ACOT7: variants seen among roughly 807,000 people sequenced by gnomAD.
The protein encoded by ACOT7 is cytosolic acyl coenzyme A thioester hydrolase.
Under a neutral mutation model 40.2 loss-of-function variants are expected in ACOT7, and 12 were observed. That is an observed-to-expected ratio of 0.30 (90% CI 0.19 to 0.48). ACOT7 has a LOEUF of 0.48. ACOT7 is among the 20% of genes least tolerant of loss of function. The pLI, the probability that ACOT7 is intolerant of heterozygous loss-of-function variation, is 0.99. For synonymous variants in ACOT7, 228 were observed against 219.5 expected (o/e 1.04, Z -0.34); for missense variants, 395 against 530.8 (o/e 0.74, Z 2.51).
Position 6,338,284 on chromosome 1 carries a change from C to G in ACOT7, c.418+1149G>C, listed in dbSNP as rs1641165200. Reference sequence around the variant, plus strand: ...AGCACAGTCGGAGAAGAGCTGCGATCTCACAGGAGATGGCAGGGAACCCCC... The same window carrying G: ...AGCACAGTCGGAGAAGAGCTGCGATGTCACAGGAGATGGCAGGGAACCCCC... On this transcript the variant is annotated intron_variant, in intron 3 of 8. Coordinates refer to ENST00000361521, the MANE Select transcript of ACOT7 (RefSeq NM_007274.4). The surrounding 1 kb of genome is among the most constrained non-coding windows in gnomAD (Gnocchi z 4.4). 6.6e-6 allele frequency among the ~76,000 whole-genome samples: 1 copy of G among 152,338 alleles called. No homozygotes were observed. Among genetic ancestry groups the G allele is most frequent in the South Asian group, 2.1e-4 (1 of 4,830 alleles).
chr1:6,318,987 G>C (rs2148421878), intron 5 of ACOT7, among the ~76,000 whole-genome samples: 1 of 152,318 alleles, frequency 6.6e-6, no homozygotes, highest in East Asian at 1.9e-4. Flanking sequence ...CACAGCCTGA[G>C]AATGTACAGC....
At position 6,342,807 on chromosome 1, in the gene ACOT7, C is replaced by A. The variant is rs551453723; in HGVS notation, c.262-3218G>T. ...TATTTTCTGGGCCCAAGGACAAATACTTTTATATATGGTCCTAAGTGTTTC... is the reference window on the plus strand; with the variant it reads ...TATTTTCTGGGCCCAAGGACAAATAATTTTATATATGGTCCTAAGTGTTTC... On this transcript the variant is annotated intron_variant, in intron 2 of 8. Coordinates refer to ENST00000361521, the MANE Select transcript of ACOT7 (RefSeq NM_007274.4). Among the ~76,000 whole-genome samples, 6 of 152,334 alleles carry A rather than the reference C, an allele frequency of 3.9e-5. No homozygotes were observed. The East Asian group carries it at 1.2e-3, about 29-fold the overall frequency.
intron 6 of ACOT7, among the ~76,000 whole-genome samples, chr1:6,303,702 G>A (rs1640034548): frequency 6.6e-6 from 1 of 152,186 alleles, no homozygotes; most frequent in East Asian, 1.9e-4. Flanking sequence ...CCACCCGTTA[G>A]TAATTACAAG....
At chr1:6,377,662 G>A (rs1278429140) in intron 1 of ACOT7, among the ~76,000 whole-genome samples, 1 of 152,214 alleles carries the variant, frequency 6.6e-6, no homozygotes, top group African/African-American at 2.4e-5. Flanking sequence ...AGACACCAAA[G>A]TGTAGTATCA....
intron 2 of ACOT7, among the ~76,000 whole-genome samples, chr1:6,348,350 A>G (rs989794159): frequency 2.7e-5 from 4 of 150,454 alleles, no homozygotes; most frequent in Admixed American, 6.6e-5. Flanking sequence ...ACACACACAC[A>G]CGCACACACA....
At chr1:6,354,261 C>T (rs1641676030) in intron 1 of ACOT7, among the ~76,000 whole-genome samples, 1 of 152,152 alleles carries the variant, frequency 6.6e-6, no homozygotes, top group South Asian at 2.1e-4. Context: ...AGGGCGCCAC[C>T]CCACCTAATC....
rs756544004 is a variant in ACOT7, at chr1:6,358,825, C to A, written c.144-8959G>T. The A allele has an allele frequency of 1.9e-6, 3 of 1,614,006 alleles. No individual in the cohort carries two copies. Among genetic ancestry groups the A allele is most frequent in the Non-Finnish European group, 1.7e-6 (2 of 1,179,880 alleles). ...CTAGACATGCCCATGACTGGCAGTA[C>A]CTGCTCAGCTGGAAAGCCATGGTGG... On this transcript the variant is annotated intron_variant, in intron 1 of 8. Coordinates refer to ENST00000361521, the MANE Select transcript of ACOT7 (RefSeq NM_007274.4). This position sits in a 1 kb window ranked among gnomAD's most constrained non-coding sequence, Gnocchi z 4.1.
chr1:6,382,130 T>TCCGTCTCAAAAAAAAAAAAAAAATC (rs1404054398), intron 1 of ACOT7, among the ~76,000 whole-genome samples: 1 of 148,602 alleles, frequency 6.7e-6, no homozygotes, highest in Non-Finnish European at 1.5e-5. Flanking sequence ...AGTGCAAGAC[T>TCCGTCTCAAAAAAAAAAAAAAAATC]TGGCCGGGCG....
At chr1:6,329,807 A>T (rs1640906035) in intron 4 of ACOT7, among the ~76,000 whole-genome samples, 1 of 152,040 alleles carries the variant, frequency 6.6e-6, no homozygotes, top group Admixed American at 6.6e-5. Flanking sequence ...ATATTCAGAC[A>T]TTTGAAAAAA....
rs1160152479 is a variant in ACOT7 at position 6,355,188 on chromosome 1, A to C, written c.144-5322T>G. Among the ~76,000 whole-genome samples, 3 of 152,046 alleles carry C rather than the reference A, an allele frequency of 2.0e-5. No homozygotes were observed. Among genetic ancestry groups the C allele is most frequent in the African/African-American group, 7.2e-5 (3 of 41,394 alleles). On this transcript the variant is annotated intron_variant, in intron 1 of 8. Coordinates refer to ENST00000361521, the MANE Select transcript of ACOT7 (RefSeq NM_007274.4). The surrounding 1 kb of genome is among the most constrained non-coding windows in gnomAD (Gnocchi z 5.0). ...TTGTGAAGGACAGGGAACCATTCAC[A>C]AATAGGGGAGTGTAAGCGAATACCC...
chr1:6,305,306 C>G (rs1291098650), intron 6 of ACOT7, among the ~76,000 whole-genome samples: 2 of 128,196 alleles, frequency 1.6e-5, no homozygotes, highest in Admixed American at 7.5e-5. Context: ...GGGCTCCTCA[C>G]TTCCCAGTAG....
intron 7 of ACOT7, among the ~76,000 whole-genome samples, chr1:6,283,962 T>G (rs1387595391): frequency 6.6e-6 from 1 of 152,114 alleles, no homozygotes; most frequent in African/African-American, 2.4e-5. Context: ...ACCACTGCAC[T>G]CTAGCCTGGG....
At chr1:6,296,708 C>A (rs1444920835) in intron 6 of ACOT7, among the ~76,000 whole-genome samples, 1 of 152,080 alleles carries the variant, frequency 6.6e-6, no homozygotes, top group African/African-American at 2.4e-5. Flanking sequence ...CAGGCATGAG[C>A]CACCGCACCT....
rs905586050 is a variant in ACOT7 at position 6,301,789 on chromosome 1, G to A, written c.713-6809C>T. Among the ~76,000 whole-genome samples, 10 of 152,300 alleles carry A rather than the reference G, an allele frequency of 6.6e-5. No homozygotes were observed. The highest frequency in any genetic ancestry group is 1.2e-4 in the Non-Finnish European group (8 of 68,026). ...TCCGGTCCCAGAAACCCCAAAGCCA[G>A]GTGAGCTTGATGACCGGCCAAAAAA... is the stretch of plus-strand genomic sequence containing the variant. On this transcript the variant is annotated intron_variant, in intron 6 of 8. Coordinates refer to ENST00000361521, the MANE Select transcript of ACOT7 (RefSeq NM_007274.4). This position sits in a 1 kb window ranked among gnomAD's most constrained non-coding sequence, Gnocchi z 4.1.
chr1:6,294,811 C>T lies in ACOT7; in HGVS notation c.829+53G>A, dbSNP rs910503389. On this transcript the variant is annotated intron_variant, in intron 7 of 8. Transcript: ENST00000361521. The surrounding 1 kb of genome is among the most constrained non-coding windows in gnomAD (Gnocchi z 4.6). ...AACAGAAAACAAACTGGTGCAGGGA[C>T]CCAAGCAGCCGAGGGCCACTGCCTC... is the stretch of plus-strand genomic sequence containing the variant. 1.9e-5 allele frequency: 28 copies of T among 1,478,126 alleles called. No homozygotes were observed. The highest frequency in any genetic ancestry group is 2.5e-5 in the Non-Finnish European group (27 of 1,060,558). 91.6% of individuals were successfully genotyped at this position (1,478,126 alleles called of 1,614,324 possible). A position where few individuals can be genotyped will look rare whatever the true frequency, so the allele number is the denominator to read the frequency against.
At position 6,361,768 on chromosome 1, in the gene ACOT7, G is replaced by A. The variant is rs1031376573; in HGVS notation, c.144-11902C>T. ...GCCAAGATCACGTCACTGCGTTACT[G>A]CATTCCAGCCTGGGCAACAGAGCGG... is the stretch of plus-strand genomic sequence containing the variant. On this transcript the variant is annotated intron_variant, in intron 1 of 8. Transcript: ENST00000361521. Among the ~76,000 whole-genome samples, 90 of 152,260 alleles carry A rather than the reference G, an allele frequency of 5.9e-4. 1 individual carries two copies. Among genetic ancestry groups the A allele is most frequent in the South Asian group, 1.7e-3 (8 of 4,822 alleles).
intron 7 of ACOT7, among the ~76,000 whole-genome samples, chr1:6,293,882 C>T (rs1277423096): frequency 6.6e-6 from 1 of 152,208 alleles, no homozygotes; most frequent in Admixed American, 6.5e-5. Context: ...CAGGGTCTCC[C>T]ATTGCCAGGT....
intron 4 of ACOT7, among the ~76,000 whole-genome samples, chr1:6,327,733 G>GT (rs1263138245): frequency 6.6e-6 from 1 of 152,088 alleles, no homozygotes; most frequent in Non-Finnish European, 1.5e-5. Context: ...CGTAATTTTT[G>GT]TAACTATGTG....
Position 6,366,344 on chromosome 1 carries a change from AC to A in ACOT7, c.144-16479del, listed in dbSNP as rs1444476930. Reference sequence around the variant, plus strand: ...ATGTCTGTAATCCCAGCACTTTGGGACCCCGAGGTGGGAGAATCGCTTGTGC... The same window carrying A: ...ATGTCTGTAATCCCAGCACTTTGGGACCCGAGGTGGGAGAATCGCTTGTGC... On this transcript the variant is annotated intron_variant, in intron 1 of 8. Transcript: ENST00000361521. 2.0e-5 allele frequency among the ~76,000 whole-genome samples: 3 copies of A among 151,800 alleles called. No homozygotes were observed. The East Asian group carries it at 5.8e-4, about 29-fold the overall frequency.
Sources: allele counts gnomAD v4.1 joint callset (sites outside exome capture counted in the v4.1 genomes callset), GRCh38; gene constraint gnomAD v4.1.1; non-coding constraint Gnocchi (gnomAD v3.1); transcripts MANE v1.5; gene names NCBI Gene and HGNC (gene_info 2026-07-23, HGNC 2026-07-21).